POLG: variants seen among roughly 807,000 people sequenced by gnomAD.
POLG encodes the protein DNA polymerase subunit gamma-1.
Under a neutral mutation model 155.4 loss-of-function variants are expected in POLG, and 110 were observed. The observed-to-expected ratio is 0.71, with a 90% confidence interval of 0.61 to 0.83. POLG has a LOEUF of 0.83. Among genes scored for constraint, POLG ranks in the 40% least tolerant of loss-of-function variants. The pLI is 0.00. For synonymous variants in POLG, 701 were observed against 631.5 expected, an observed-to-expected ratio of 1.11 and a Z score of -1.65; for missense variants, 1,685 against 1,627.5, an observed-to-expected ratio of 1.04 and a Z score of -0.61.
rs1216496643 is a variant in POLG, at chr15:89,316,328, CCTT to C, written c.*420_*422del. 65 of 1,417,004 alleles carry C rather than the reference CCTT, an allele frequency of 4.6e-5. No individual in the cohort carries two copies. The highest frequency in any genetic ancestry group is 5.8e-5 in the Non-Finnish European group (60 of 1,035,218). The allele number at this position is 1,417,004 out of a possible 1,614,324, so 87.8% of individuals were successfully genotyped here. ...GATGAGAAGATAGAGTCTTTTTTTT[CCTT>C]CTTTTTATTTCCACTGCCTTGGAGC... On this transcript the variant is annotated 3_prime_UTR_variant, in exon 23 of 23. Coordinates refer to ENST00000268124, the MANE Select transcript of POLG (RefSeq NM_002693.3).
At position 89,322,641 on chromosome 15, in the gene POLG, A is replaced by G. The variant is rs556922280; in HGVS notation, c.2426+101T>C. 3.1e-5 allele frequency: 41 copies of G among 1,315,454 alleles called. 1 individual carries two copies. The South Asian group carries it at 4.7e-4, about 15-fold the overall frequency. The allele number at this position is 1,315,454 out of a possible 1,614,324, so 81.5% of individuals were successfully genotyped here. On this transcript the variant is annotated intron_variant, in intron 14 of 22. Coordinates refer to ENST00000268124, the MANE Select transcript of POLG (RefSeq NM_002693.3). Reference sequence around the variant, plus strand: ...CCAAAAGTAGCCAGGCCTCTAGACCATAGTCAGGCTGGCCCTCTGTGGGAA... The same window carrying G: ...CCAAAAGTAGCCAGGCCTCTAGACCGTAGTCAGGCTGGCCCTCTGTGGGAA...
In POLG at chr15:89,333,916, A is replaced by G. The variant is rs2055634943; in HGVS notation, c.-159-3T>C. 1.3e-6 allele frequency: 1 copy of G among 741,424 alleles called. No individual in the cohort carries two copies. Among genetic ancestry groups the G allele is most frequent in the Admixed American group, 2.5e-5 (1 of 40,446 alleles). 45.9% of individuals were successfully genotyped at this position (741,424 alleles called of 1,614,324 possible). A position where few individuals can be genotyped will look rare whatever the true frequency, so the allele number is the denominator to read the frequency against. ...ATGCCTGCCTTCCACCCCAAATCCT[A>G]AAGGAGACAGATGATATAAAGCGTT... On this transcript the variant is annotated splice_region_variant and splice_polypyrimidine_tract_variant and intron_variant, in intron 1 of 22. Transcript: ENST00000268124.
rs779152757 is a variant in POLG, at chr15:89,319,039, T to C, written c.3165A>G (p.Ser1055=). The C allele has an allele frequency of 5.0e-6, 8 of 1,614,198 alleles. No homozygotes were observed. In the South Asian group the frequency reaches 8.8e-5, roughly 18 times the overall value. Residue 1055 remains serine, a synonymous_variant, in exon 20 of 23, where the codon TCA becomes TCG. Transcript: ENST00000268124. ...AERAWKGGTE[S]EMFNKLESIA... The stretch of plus-strand genomic sequence containing the variant: ...TGCTCTCAAGCTTATTGAACATTTC[T>C]GACTCTGTGCCCCCCTTCCATGCCC...
chr15:89,331,897 G>A (rs1436240242), intron 2 of POLG, among the ~76,000 whole-genome samples: 4 of 152,168 alleles, frequency 2.6e-5, no homozygotes, highest in African/African-American at 9.6e-5. Context: ...AATGGAATGA[G>A]AATGAGGGCA....
chr15:89,318,736 C>A lies in POLG; in HGVS notation c.3287G>T (p.Arg1096Leu), dbSNP rs368435864. Reference protein sequence around the residue: ...SAVQEEFMTSRVNWVVQSSAV... With the variant: ...SAVQEEFMTSLVNWVVQSSAV... ...AGAGCTCTGTACCACCCAATTCACA[C>A]GGCTGGTCATAAACTGGGAAGGGAA... is the stretch of plus-strand genomic sequence containing the variant. The change falls in exon 21 of 23, where the codon CGT becomes CTT. Residue 1096 changes from arginine (R) to leucine (L), a missense_variant. This residue lies in a region of POLG where 470 missense variants were observed against 439.9 expected (regional missense o/e 1.07). Transcript: ENST00000268124. 1.9e-6 allele frequency: 3 copies of A among 1,613,928 alleles called. No homozygotes were observed. The highest frequency in any genetic ancestry group is 2.2e-5 in the South Asian group (2 of 91,080).
rs923506662 is a variant in POLG, at chr15:89,333,872, C to G, written c.-118G>C. 2 of 1,252,622 alleles carry G rather than the reference C, an allele frequency of 1.6e-6. No individual in the cohort carries two copies. The highest frequency in any genetic ancestry group is 1.5e-5 in the African/African-American group (1 of 67,570). The allele number at this position is 1,252,622 out of a possible 1,614,324, so 77.6% of individuals were successfully genotyped here. ...ACACGTCCTGTCTCTGCTCTCCTGT[C>G]AGTGAAATGGGTTTGACCATGCCTG... On this transcript the variant is annotated 5_prime_UTR_variant, in exon 2 of 23. Coordinates refer to ENST00000268124, the MANE Select transcript of POLG (RefSeq NM_002693.3).
chr15:89,324,301 C>A, intron 10 of POLG, 74 bp from the exon 11 acceptor site: 1 of 1,543,832 alleles, frequency 6.5e-7, no homozygotes, highest in Admixed American at 1.8e-5. Context: ...CTTGCTAGTG[C>A]CTTCCACAAT....
intron 10 of POLG, among the ~76,000 whole-genome samples, chr15:89,325,155 T>A (rs369543859): frequency 3.7e-3 from 160 of 43,738 alleles, no homozygotes; most frequent in Middle Eastern, 0.029. Flanking sequence ...AGTGAGTGAG[T>A]GAGTGAGTGA....
At chr15:89,317,591 T>A in intron 21 of POLG, 55 bp from the exon 22 acceptor site, 1 of 1,559,794 alleles carries the variant, frequency 6.4e-7, no homozygotes, top group East Asian at 2.2e-5. Context: ...AACAGATGCA[T>A]CACTCCTGGA....
chr15:89,319,843 C>T (rs567564610), intron 18 of POLG, among the ~76,000 whole-genome samples: 1 of 152,188 alleles, frequency 6.6e-6, no homozygotes, highest in Non-Finnish European at 1.5e-5. Flanking sequence ...CAACCCTAGA[C>T]AACTCCCAGC....
chr15:89,333,977 A>T (rs2055635970), intron 1 of POLG, 64 bp from the exon 2 acceptor site: 1 of 596,078 alleles, frequency 1.7e-6, no homozygotes, highest in Non-Finnish European at 3.0e-6. Flanking sequence ...ATCCATAATC[A>T]TCATTCCTTG....
intron 9 of POLG, 50 bp downstream of exon 9, chr15:89,326,562 T>G (rs1410030972): frequency 1.2e-6 from 2 of 1,603,376 alleles, no homozygotes; most frequent in Admixed American, 1.7e-5. Context: ...GTCCTGAGAA[T>G]GGAGCAAGGG....
In POLG at chr15:89,316,750, G is replaced by T; in HGVS notation, c.*1C>A. The T allele has an allele frequency of 6.2e-7, 1 of 1,609,532 alleles. No homozygotes were observed. The highest frequency in any genetic ancestry group is 8.5e-7 in the Non-Finnish European group (1 of 1,175,748). Reference sequence around the variant, plus strand: ...AGCAAATACAGAGCCTCCAGGCAGTGCTATGGTCCAGGCTGGCTTCGTTTT... The same window carrying T: ...AGCAAATACAGAGCCTCCAGGCAGTTCTATGGTCCAGGCTGGCTTCGTTTT... On this transcript the variant is annotated 3_prime_UTR_variant, in exon 23 of 23. Transcript: ENST00000268124.
chr15:89,321,624 G>T, intron 16 of POLG, 112 bp downstream of exon 16: 1 of 855,594 alleles, frequency 1.2e-6, no homozygotes, highest in Non-Finnish European at 2.0e-6. Context: ...GCCTGACCCA[G>T]ATCACAGGGT....
chr15:89,330,426 C>G (rs1039288785), intron 2 of POLG, 150 bp from the exon 3 acceptor site: 5 of 711,058 alleles, frequency 7.0e-6, no homozygotes, highest in Non-Finnish European at 1.3e-5. Context: ...ACTCAAACAG[C>G]TACAGGTCAG....
Position 89,328,484 on chromosome 15 carries a change from G to C in POLG, c.1222C>G (p.Gln408Glu), listed in dbSNP as rs2152067799. 2 of 1,613,854 alleles carry C rather than the reference G, an allele frequency of 1.2e-6. No individual in the cohort carries two copies. Among genetic ancestry groups the C allele is most frequent in the Non-Finnish European group, 1.7e-6 (2 of 1,179,962 alleles). ...QDVWATHEVF[Q>E]QQLPLFLERC... ...TCCAAGAAGAGCGGTAGCTGCTGCT[G>C]GAAAACCTCATGGGTGGCCCACACG... Residue 408 changes from glutamine to glutamate, a missense_variant, in exon 6 of 23, where the codon CAG becomes GAG. Coordinates refer to ENST00000268124, the MANE Select transcript of POLG (RefSeq NM_002693.3).
chr15:89,323,824 G>A lies in POLG; in HGVS notation c.2148C>T (p.Pro716=). 6.2e-7 allele frequency: 1 copy of A among 1,613,622 alleles called. No individual in the cohort carries two copies. Among genetic ancestry groups the A allele is most frequent in the Non-Finnish European group, 8.5e-7 (1 of 1,179,558 alleles). Residue 716 remains proline, a synonymous_variant, in exon 12 of 23, where the codon CCC becomes CCT. Coordinates refer to ENST00000268124, the MANE Select transcript of POLG (RefSeq NM_002693.3). ...ENLRAAVPGQ[P]LALTARGGPK... The stretch of plus-strand genomic sequence containing the variant: ...CCGGCGCACTGCTCACCAGAGCTAG[G>A]GGTTGACCTGGCACTGCAGCTCGCA...
chr15:89,326,685 C>G lies in POLG; in HGVS notation c.1639G>C (p.Ala547Pro). Residue 547 changes from alanine (A) to proline (P), a missense_variant, in exon 9 of 23, where the codon GCC (alanine) becomes CCC (proline). Physicochemically the swap from Ala to Pro is conservative, Grantham distance 27. Around this residue, in one of 3 missense-constraint regions of POLG, gnomAD observed 1,210 missense variants for 1,167.1 expected, o/e 1.04. Coordinates refer to ENST00000268124, the MANE Select transcript of POLG (RefSeq NM_002693.3). ...EEFQQDVMAR[A>P]CLQKLKGTTE... ...GTCCCCTTCAGCTTCTGCAAGCAGG[C>G]GCGGGCCATGACATCTTGTTGAAAC... 1 of 1,614,094 alleles carries G rather than the reference C, an allele frequency of 6.2e-7. No homozygotes were observed. The highest frequency in any genetic ancestry group is 1.3e-5 in the African/African-American group (1 of 75,020).
chr15:89,327,174 C>T lies in POLG; in HGVS notation c.1426G>A (p.Gly476Arg), dbSNP rs1555453652. 1 of 1,614,256 alleles carries T rather than the reference C, an allele frequency of 6.2e-7. No individual in the cohort carries two copies. Among genetic ancestry groups the T allele is most frequent in the Middle Eastern group, 1.6e-4 (1 of 6,062 alleles). The change falls in exon 7 of 23, where the codon GGA becomes AGA. Residue 476 changes from glycine (G) to arginine (R), a missense_variant. By Grantham distance (125) the Gly-to-Arg change is moderately radical (BLOSUM62 -2). Coordinates refer to ENST00000268124, the MANE Select transcript of POLG (RefSeq NM_002693.3). ...LANDACQLLSGERYKEDPWLW... is the reference protein window; with the variant it reads ...LANDACQLLSRERYKEDPWLW... ...CACCCAAGGCCTGGCTACCTCTCTC[C>T]TGAGAGCAGCTGGCAGGCATCATTG...
Sources: gnomAD v4.1 joint callset for allele counts (sites outside exome capture counted in the v4.1 genomes callset) on GRCh38, gnomAD v4.1.1 for gene constraint, gnomAD v4.1.1 regional missense constraint, MANE v1.5 for transcripts, NCBI Gene and HGNC (gene_info 2026-07-23, HGNC 2026-07-21) for gene names.